SARDH: variants seen among roughly 807,000 people sequenced by gnomAD.
SARDH encodes sarcosine dehydrogenase, mitochondrial.
SARDH carries 95 observed loss-of-function variants against 109.1 expected under a neutral mutation model. The ratio of observed to expected loss-of-function variants is 0.87; its 90% CI spans 0.74 to 1.03. The LOEUF is 1.03. Among genes scored for constraint, SARDH ranks in the 50% least tolerant of loss-of-function variants. The pLI is 0.00. For missense variants in SARDH, 1,267 were observed against 1,287.8 expected (o/e 0.98, Z 0.25); for synonymous variants, 572 against 534.8 (o/e 1.07, Z -0.96).
intron 8 of SARDH, among the ~76,000 whole-genome samples, chr9:133,713,974 A>C (rs1333743243): frequency 6.6e-6 from 1 of 152,202 alleles, no homozygotes; most frequent in African/African-American, 2.4e-5. Flanking sequence ...CAAATACTTA[A>C]ATAAGCAAAA....
chr9:133,702,377 G>A (rs945777090), intron 13 of SARDH, among the ~76,000 whole-genome samples: 2 of 152,218 alleles, frequency 1.3e-5, no homozygotes, highest in Non-Finnish European at 2.9e-5. Context: ...GAGCAGCCTC[G>A]CCTGCCCACT....
intron 19 of SARDH, among the ~76,000 whole-genome samples, chr9:133,667,809 GGTTTC>G (rs995047921): frequency 2.0e-5 from 3 of 152,140 alleles, no homozygotes; most frequent in African/African-American, 7.2e-5. Flanking sequence ...GCTGGAAGGA[GGTTTC>G]GTAAACATCT....
chr9:133,665,145 C>T (rs984110995), intron 20 of SARDH, among the ~76,000 whole-genome samples: 1 of 152,080 alleles, frequency 6.6e-6, no homozygotes, highest in Admixed American at 6.5e-5. Flanking sequence ...GGGCAGGAGA[C>T]GTGCACCGGC....
chr9:133,711,568 T>TG (rs1341683871), intron 10 of SARDH, among the ~76,000 whole-genome samples: 4 of 152,100 alleles, frequency 2.6e-5, no homozygotes, highest in Non-Finnish European at 5.9e-5. Context: ...GGGTGGCAGC[T>TG]GGGGGGCCTC....
At chr9:133,664,125 A>C (rs1369587562) in intron 20 of SARDH, 111 bp from the exon 21 acceptor site, 5 of 1,422,618 alleles carry the variant, frequency 3.5e-6, no homozygotes, top group Non-Finnish European at 4.7e-6. Context: ...CCCTGTGGGC[A>C]AACTCATCCC....
At chr9:133,681,640 C>T (rs1419721845) in intron 17 of SARDH, among the ~76,000 whole-genome samples, 1 of 152,154 alleles carries the variant, frequency 6.6e-6, no homozygotes, top group Non-Finnish European at 1.5e-5. Context: ...GTCTCTCGAG[C>T]GCTAGTGAGG....
intron 16 of SARDH, among the ~76,000 whole-genome samples, chr9:133,687,224 G>A (rs1288150174): frequency 6.6e-6 from 1 of 152,208 alleles, no homozygotes; most frequent in Non-Finnish European, 1.5e-5. Flanking sequence ...GTTCTGGGCT[G>A]CACGACACCG....
intron 8 of SARDH, among the ~76,000 whole-genome samples, chr9:133,715,965 C>G (rs1038868924): frequency 9.9e-5 from 15 of 152,250 alleles, no homozygotes; most frequent in African/African-American, 2.7e-4. Flanking sequence ...CTCTCCCAGC[C>G]CTGAAGCGGG....
Position 133,730,779 on chromosome 9 carries a change from C to T in SARDH, c.690+526G>A, listed in dbSNP as rs1420725016. On this transcript the variant is annotated intron_variant, in intron 4 of 20. Coordinates refer to ENST00000439388, the MANE Select transcript of SARDH (RefSeq NM_001134707.2). ...GATCACGAGGTCAGGAGATCAAGAC[C>T]ATCCTGGCTAACACAGTGAAACCCT... 2.0e-5 allele frequency among the ~76,000 whole-genome samples: 3 copies of T among 151,976 alleles called. No homozygotes were observed. In the East Asian group the frequency reaches 5.8e-4, roughly 29 times the overall value.
At chr9:133,685,105 G>A (rs1588399915) in intron 17 of SARDH, 88 bp downstream of exon 17, 14 of 1,160,854 alleles carry the variant, frequency 1.2e-5, no homozygotes, top group South Asian at 4.3e-5. Context: ...GAACCTGCCC[G>A]AGAGCCCCCA....
downstream of SARDH, among the ~76,000 whole-genome samples, chr9:133,660,200 TGA>T (rs1278014807): frequency 3.3e-5 from 5 of 152,196 alleles, no homozygotes; most frequent in African/African-American, 9.6e-5. Flanking sequence ...CCGTGGTTGC[TGA>T]GAGTTGCCAC....
In SARDH at chr9:133,732,429, G is replaced by A. The variant is rs199846153; in HGVS notation, c.504C>T (p.Leu168=). The A allele has an allele frequency of 2.9e-6, 4 of 1,380,406 alleles. No homozygotes were observed. The highest frequency in any genetic ancestry group is 8.3e-5 in the East Asian group (2 of 24,134). 85.5% of individuals were successfully genotyped at this position (1,380,406 alleles called of 1,614,324 possible). Residue 168 remains leucine (L), a synonymous_variant, in exon 3 of 21, where the codon CTC becomes CTT. Coordinates refer to ENST00000439388, the MANE Select transcript of SARDH (RefSeq NM_001134707.2). ...NRQRLDEYKR[L]MSLGKAYGVE... ...CCCGCAGGGGAGCACACACCGACATGAGCCTCTTGTACTCGTCCAGGCGCT... is the reference window on the plus strand; with the variant it reads ...CCCGCAGGGGAGCACACACCGACATAAGCCTCTTGTACTCGTCCAGGCGCT...
intron 13 of SARDH, among the ~76,000 whole-genome samples, chr9:133,699,138 G>C (rs2131404456): frequency 6.6e-6 from 1 of 152,292 alleles, no homozygotes; most frequent in South Asian, 2.1e-4. Context: ...CCTGAGGTCA[G>C]GAGTTCGAGA....
intron 13 of SARDH, 96 bp from the exon 14 acceptor site, chr9:133,696,457 T>A: frequency 6.7e-7 from 1 of 1,484,958 alleles, no homozygotes; most frequent in Non-Finnish European, 9.3e-7. Flanking sequence ...CCAACACACC[T>A]GTACTGAGCC....
Position 133,666,708 on chromosome 9 carries a change from T to C in SARDH, c.2631+27A>G. ...AGCTGGTGAGGGATCGGCATCTGCC[T>C]TAGCAGGGCCAGAGAAGGGGACTCA... is the stretch of plus-strand genomic sequence containing the variant. On this transcript the variant is annotated intron_variant, in intron 20 of 20. Coordinates refer to ENST00000439388, the MANE Select transcript of SARDH (RefSeq NM_001134707.2). The surrounding 1 kb of genome is among the most constrained non-coding windows in gnomAD (Gnocchi z 5.2). 1 of 1,571,216 alleles carries C rather than the reference T, an allele frequency of 6.4e-7. No homozygotes were observed. Among genetic ancestry groups the C allele is most frequent in the Non-Finnish European group, 8.6e-7 (1 of 1,158,578 alleles).
Position 133,730,119 on chromosome 9 carries a change from C to T in SARDH, c.759G>A (p.Ala253=), listed in dbSNP as rs774000934. The change falls in exon 5 of 21, where the codon GCG becomes GCA. Residue 253 remains alanine, a synonymous_variant. Transcript: ENST00000439388. ...WTDDFGVRRV[A]GVETQHGSIQ... Reference sequence around the variant, plus strand: ...TGGAACCATGCTGAGTCTCCACACCCGCGACCCGCCGCACCCCAAAATCAT... The same window carrying T: ...TGGAACCATGCTGAGTCTCCACACCTGCGACCCGCCGCACCCCAAAATCAT... 37 of 1,614,092 alleles carry T rather than the reference C, an allele frequency of 2.3e-5. No homozygotes were observed. The highest frequency in any genetic ancestry group is 1.1e-4 in the African/African-American group (8 of 74,936).
chr9:133,684,295 G>A (rs532298445), intron 17 of SARDH, among the ~76,000 whole-genome samples: 2 of 152,368 alleles, frequency 1.3e-5, no homozygotes, highest in Admixed American at 6.5e-5. Flanking sequence ...ACAGCAGAGA[G>A]GATCTCCTCC....
At chr9:133,700,735 GCGCACA>G (rs950680415) in intron 13 of SARDH, among the ~76,000 whole-genome samples, 1 of 57,972 alleles carries the variant, frequency 1.7e-5, no homozygotes, top group African/African-American at 6.8e-5. Context: ...ACACACGCAC[GCGCACA>G]CACACACACA....
intron 13 of SARDH, among the ~76,000 whole-genome samples, chr9:133,700,019 A>C (rs935018664): frequency 6.6e-6 from 1 of 152,256 alleles, no homozygotes; most frequent in Non-Finnish European, 1.5e-5. Flanking sequence ...ACAATGGAAT[A>C]TGATTGGGAT....
Sources: allele counts gnomAD v4.1 joint callset (sites outside exome capture counted in the v4.1 genomes callset), GRCh38; gene constraint gnomAD v4.1.1; non-coding constraint Gnocchi (gnomAD v3.1); transcripts MANE v1.5; gene names NCBI Gene and HGNC (gene_info 2026-07-23, HGNC 2026-07-21).